GRM5: variants seen among roughly 807,000 people sequenced by gnomAD.
GRM5 encodes metabotropic glutamate receptor 5.
GRM5 carries 19 observed loss-of-function variants against 83.1 expected under a neutral mutation model. That is an observed-to-expected ratio of 0.23 (90% confidence interval 0.16 to 0.34). The LOEUF is 0.34. Among genes scored for constraint, GRM5 ranks in the 10% least tolerant of loss-of-function variants. The pLI is 1.00. For missense variants in GRM5, 1,160 were observed against 1,588.3 expected (o/e 0.73, Z 4.58); for synonymous variants, 675 against 633.6 (o/e 1.07, Z -0.98).
intron 2 of GRM5, among the ~76,000 whole-genome samples, chr11:89,031,357 T>A (rs1345302779): frequency 6.6e-6 from 1 of 152,016 alleles, no homozygotes; most frequent in African/African-American, 2.4e-5. Flanking sequence ...TTGATTATTT[T>A]TGTTTTTGTT....
In GRM5 at chr11:88,754,468, A is replaced by G. The variant is rs189406768; in HGVS notation, c.911+95438T>C. On this transcript the variant is annotated intron_variant, in intron 3 of 9. Transcript: ENST00000305447. The stretch of plus-strand genomic sequence containing the variant: ...AGAAGAAAATTAATTATTCATTATA[A>G]TGTAGGTATATTGACTCTATCAATC... Among the ~76,000 whole-genome samples the G allele has an allele frequency of 2.6e-5, 4 of 152,278 alleles. No individual in the cohort carries two copies. The East Asian group carries it at 7.7e-4, about 29-fold the overall frequency.
At chr11:88,552,435 G>T (rs1269315427) in intron 8 of GRM5, among the ~76,000 whole-genome samples, 5 of 152,278 alleles carry the variant, frequency 3.3e-5, no homozygotes, top group Admixed American at 3.3e-4. Flanking sequence ...TGGTCCATCT[G>T]GGAATCAGCA....
At chr11:88,570,571 A>ATATATATATATATATATTTTTTTTTT (rs1405339448) in intron 7 of GRM5, among the ~76,000 whole-genome samples, 1 of 46,376 alleles carries the variant, frequency 2.2e-5, no homozygotes, top group Non-Finnish European at 3.5e-5. Context: ...ATATATATAT[A>ATATATATATATATATATTTTTTTTTT]TTTTTTTTTT....
At chr11:88,604,659 G>C (rs1161864018) in intron 5 of GRM5, 59 bp downstream of exon 5, 6 of 1,383,566 alleles carry the variant, frequency 4.3e-6, no homozygotes, top group Non-Finnish European at 6.1e-6. Context: ...GACATTTCAG[G>C]ATCAAGAGTT....
At position 88,548,451 on chromosome 11, in the gene GRM5, C is replaced by T. The variant is rs1255878222; in HGVS notation, c.2630+18602G>A. 2.6e-5 allele frequency among the ~76,000 whole-genome samples: 4 copies of T among 152,038 alleles called. No homozygotes were observed. In the East Asian group the frequency reaches 5.8e-4, roughly 22 times the overall value. ...ACATCACATGCAAATTAAAAAAATCCACTGTAATCACAGCACTTAAAAATA... is the reference window on the plus strand; with the variant it reads ...ACATCACATGCAAATTAAAAAAATCTACTGTAATCACAGCACTTAAAAATA... On this transcript the variant is annotated intron_variant, in intron 8 of 9. Coordinates refer to ENST00000305447, the MANE Select transcript of GRM5 (RefSeq NM_001143831.3).
intron 3 of GRM5, among the ~76,000 whole-genome samples, chr11:88,794,728 C>G (rs1039501603): frequency 1.3e-5 from 2 of 152,062 alleles, no homozygotes; most frequent in East Asian, 1.9e-4. Flanking sequence ...TGATGATGAA[C>G]GAGTGTTAAG....
At chr11:88,756,950 A>G (rs942841648) in intron 3 of GRM5, among the ~76,000 whole-genome samples, 4 of 152,174 alleles carry the variant, frequency 2.6e-5, no homozygotes, top group Non-Finnish European at 5.9e-5. Flanking sequence ...ATGAACTCCA[A>G]TTAAATGGAA....
rs376163808 is a variant in GRM5, at chr11:88,902,230, G to A, written c.662-52075C>T. Among the ~76,000 whole-genome samples, 8 of 151,744 alleles carry A rather than the reference G, an allele frequency of 5.3e-5. No homozygotes were observed. The South Asian group carries it at 1.5e-3, about 28-fold the overall frequency. ...ATGCAATGCCAGTATAACTTAGGGT[G>A]GAAGAACTTGGGATCTGTAGTTAGG... On this transcript the variant is annotated intron_variant, in intron 2 of 9. Coordinates refer to ENST00000305447, the MANE Select transcript of GRM5 (RefSeq NM_001143831.3).
intron 8 of GRM5, among the ~76,000 whole-genome samples, chr11:88,566,629 G>A (rs1216297437): frequency 6.6e-6 from 1 of 152,182 alleles, no homozygotes; most frequent in Non-Finnish European, 1.5e-5. Context: ...AGTGCAGTCT[G>A]ATGTGTCGAG....
At chr11:88,837,042 T>A (rs1944105959) in intron 3 of GRM5, among the ~76,000 whole-genome samples, 1 of 152,232 alleles carries the variant, frequency 6.6e-6, no homozygotes, top group African/African-American at 2.4e-5. Flanking sequence ...GTTTGAATAG[T>A]CCATCTAATT....
chr11:88,940,536 T>C (rs1204234496), intron 2 of GRM5, among the ~76,000 whole-genome samples: 1 of 151,518 alleles, frequency 6.6e-6, no homozygotes, highest in East Asian at 1.9e-4. Context: ...AACTGAAATT[T>C]AATAAAAATA....
chr11:89,028,073 A>G (rs895228146), intron 2 of GRM5, among the ~76,000 whole-genome samples: 5 of 152,268 alleles, frequency 3.3e-5, no homozygotes, highest in African/African-American at 1.2e-4. Context: ...GAATCATCAA[A>G]TCTGCCAGCG....
chr11:88,749,831 C>G (rs1189962535), intron 3 of GRM5, among the ~76,000 whole-genome samples: 1 of 152,102 alleles, frequency 6.6e-6, no homozygotes, highest in Non-Finnish European at 1.5e-5. Context: ...AGTTTCATAT[C>G]TGGACAAACT....
At chr11:89,053,701 T>G (rs955408115) in intron 1 of GRM5, among the ~76,000 whole-genome samples, 5 of 148,246 alleles carry the variant, frequency 3.4e-5, no homozygotes, top group African/African-American at 2.5e-5. Context: ...AAAAACAAAA[T>G]GCAGTGAAGC....
intron 1 of GRM5, among the ~76,000 whole-genome samples, chr11:89,057,339 TCATTACTATCTCAATCA>T (rs150595097): frequency 0.074 from 11,274 of 152,132 alleles, 453 homozygotes; most frequent in South Asian, 0.11. Flanking sequence ...AGCTCCATTG[TCATTACTATCTCAATCA>T]CACATTTGTG....
intron 9 of GRM5, chr11:88,511,722 C>G (rs1001607236): frequency 2.0e-5 from 3 of 152,216 alleles, no homozygotes; most frequent in African/African-American, 7.2e-5. Flanking sequence ...ATTAGCCTGA[C>G]TTACGTGTAT....
intron 2 of GRM5, among the ~76,000 whole-genome samples, chr11:89,019,566 G>A (rs200551081): frequency 2.6e-5 from 4 of 151,124 alleles, no homozygotes; most frequent in Admixed American, 6.6e-5. Flanking sequence ...TTAGCTGGTC[G>A]TGGTGGTGGG....
chr11:88,527,756 A>G (rs1941913133), intron 8 of GRM5, among the ~76,000 whole-genome samples: 1 of 152,210 alleles, frequency 6.6e-6, no homozygotes, highest in Admixed American at 6.5e-5. Context: ...AATACTATGC[A>G]GTCATAAAAA....
chr11:89,024,928 C>T (rs1941093114), intron 2 of GRM5, among the ~76,000 whole-genome samples: 1 of 152,170 alleles, frequency 6.6e-6, no homozygotes, highest in Admixed American at 6.5e-5. Context: ...CAAATGAGCT[C>T]TACACCACTA....
Sources: gnomAD v4.1 joint callset for allele counts (sites outside exome capture counted in the v4.1 genomes callset) on GRCh38, gnomAD v4.1.1 for gene constraint, MANE v1.5 for transcripts, NCBI Gene and HGNC (gene_info 2026-07-23, HGNC 2026-07-21) for gene names.